Variants in TSC22D1 observed in about 807,000 individuals in gnomAD.
The protein encoded by TSC22D1 is TSC22 domain family member 1.
TSC22D1 carries 9 observed loss-of-function variants against 74.2 expected under a neutral mutation model. The observed-to-expected ratio is 0.12, with a 90% confidence interval of 0.07 to 0.21. The LOEUF is 0.21. Among genes scored for constraint, TSC22D1 ranks in the 10% least tolerant of loss-of-function variants. TSC22D1 has a pLI of 1.00. For synonymous variants in TSC22D1, 586 were observed against 492.5 expected (o/e 1.19, Z -2.51); for missense variants, 1,427 against 1,304.7 (o/e 1.09, Z -1.44).
chr13:44,452,024 T>G (rs528113748), intron 1 of TSC22D1, among the ~76,000 whole-genome samples: 5 of 152,120 alleles, frequency 3.3e-5, no homozygotes, highest in Admixed American at 6.5e-5. Context: ...CAGATATAGA[T>G]GGAAACAATC....
intron 1 of TSC22D1, among the ~76,000 whole-genome samples, chr13:44,477,217 T>A (rs1391938785): frequency 3.9e-5 from 6 of 152,176 alleles, no homozygotes; most frequent in Non-Finnish European, 7.4e-5. Context: ...CCTCCCAAAG[T>A]GCTGGGACTG....
chr13:44,568,644 G>A (rs572783143), intron 1 of TSC22D1, among the ~76,000 whole-genome samples: 1 of 152,244 alleles, frequency 6.6e-6, no homozygotes, highest in Admixed American at 6.5e-5. Flanking sequence ...GCCCCACACT[G>A]CAAATCTCTA....
In TSC22D1 at chr13:44,519,960, A is replaced by G. The variant is rs1443262361; in HGVS notation, c.2912+53203T>C. 3.3e-5 allele frequency among the ~76,000 whole-genome samples: 5 copies of G among 152,210 alleles called. No homozygotes were observed. In the East Asian group the frequency reaches 7.7e-4, roughly 23 times the overall value. ...ATACATAACTGAACACATGTGGGTG[A>G]CAGTCACTAAGATGAGATCTCCCAA... On this transcript the variant is annotated intron_variant, in intron 1 of 2. Transcript: ENST00000458659.
chr13:44,512,558 G>GTGA (rs1879783338), intron 1 of TSC22D1, among the ~76,000 whole-genome samples: 1 of 152,158 alleles, frequency 6.6e-6, no homozygotes, highest in Non-Finnish European at 1.5e-5. Context: ...CTGTGAAACA[G>GTGA]AACCACTTCC....
intron 1 of TSC22D1, among the ~76,000 whole-genome samples, chr13:44,477,789 G>A (rs1877990113): frequency 6.6e-6 from 1 of 151,726 alleles, no homozygotes; most frequent in South Asian, 2.1e-4. Flanking sequence ...CTTACAGGCG[G>A]GTGCCACCAC....
rs1388498771 is a variant in TSC22D1, at chr13:44,536,736, G to A, written c.2912+36427C>T. ...CTTGATATTTACAGTATTAACTCAA[G>A]AGAGTTTTAATGGTTTGCAAAATTG... On this transcript the variant is annotated intron_variant, in intron 1 of 2. Coordinates refer to ENST00000458659, the MANE Select transcript of TSC22D1 (RefSeq NM_183422.4). 7.1e-6 allele frequency: 7 copies of A among 984,090 alleles called. No homozygotes were observed. The South Asian group carries it at 3.3e-4, about 46-fold the overall frequency. The allele number at this position is 984,090 out of a possible 1,614,324, so 61.0% of individuals were successfully genotyped here. A position where few individuals can be genotyped will look rare whatever the true frequency, so the allele number is the denominator to read the frequency against.
chr13:44,574,091 T>C lies in TSC22D1; in HGVS notation c.1984A>G (p.Ile662Val), dbSNP rs769311865. ...PASEYVQQQPILQTAMSSGQP... is the reference protein window; with the variant it reads ...PASEYVQQQPVLQTAMSSGQP... ...CCGGAGGACATTGCTGTTTGAAGAA[T>C]TGGCTGCTGTTGTACATACTCTGAA... Residue 662 changes from isoleucine to valine, a missense_variant, in exon 1 of 3, where the codon ATT (isoleucine) becomes GTT (valine). Coordinates refer to ENST00000458659, the MANE Select transcript of TSC22D1 (RefSeq NM_183422.4). The C allele has an allele frequency of 2.4e-5, 39 of 1,614,116 alleles. No individual in the cohort carries two copies. Among genetic ancestry groups the C allele is most frequent in the Middle Eastern group, 1.6e-4 (1 of 6,084 alleles).
chr13:44,501,844 A>C (rs1879234139), intron 1 of TSC22D1, among the ~76,000 whole-genome samples: 1 of 152,200 alleles, frequency 6.6e-6, no homozygotes, highest in African/African-American at 2.4e-5. Flanking sequence ...CGTCCATTAA[A>C]ATGGCTCTTT....
intron 1 of TSC22D1, among the ~76,000 whole-genome samples, chr13:44,460,363 C>T (rs765004150): frequency 5.5e-4 from 84 of 152,130 alleles, no homozygotes; most frequent in Admixed American, 8.5e-4. Flanking sequence ...CACCTTTATA[C>T]AGCTTGATGC....
intron 1 of TSC22D1, among the ~76,000 whole-genome samples, chr13:44,458,760 TC>T (rs1876820827): frequency 6.6e-6 from 1 of 152,118 alleles, no homozygotes; most frequent in African/African-American, 2.4e-5. Flanking sequence ...CTGGGCGCTG[TC>T]CGACCAGGTG....
Position 44,575,606 on chromosome 13 carries a change from C to T in TSC22D1, c.469G>A (p.Val157Met). 1.2e-6 allele frequency: 2 copies of T among 1,614,136 alleles called. No individual in the cohort carries two copies. The highest frequency in any genetic ancestry group is 1.7e-6 in the Non-Finnish European group (2 of 1,180,028). The change falls in exon 1 of 3, where the codon GTG becomes ATG. Residue 157 changes from valine to methionine, a missense_variant. Val to Met is a conservative substitution (Grantham distance 21). Around this residue, in one of 3 missense-constraint regions of TSC22D1, gnomAD observed 1,343 missense variants for 1,191.5 expected, o/e 1.13. Coordinates refer to ENST00000458659, the MANE Select transcript of TSC22D1 (RefSeq NM_183422.4). Reference protein sequence around the residue: ...EDLSSSEILDVSLSRATDLGE... With the variant: ...EDLSSSEILDMSLSRATDLGE... The stretch of plus-strand genomic sequence containing the variant: ...AAGTCAGTAGCCCTGGAAAGTGACA[C>T]ATCAAGGATCTCCGAAGAAGAGAGA...
intron 1 of TSC22D1, among the ~76,000 whole-genome samples, chr13:44,553,255 T>C (rs941392650): frequency 1.2e-4 from 19 of 152,166 alleles, no homozygotes; most frequent in African/African-American, 3.9e-4. Context: ...TTCTTCAAAA[T>C]GTATCGGTCT....
intron 1 of TSC22D1, among the ~76,000 whole-genome samples, chr13:44,556,950 C>T (rs1173450123): frequency 1.3e-5 from 2 of 149,234 alleles, no homozygotes; most frequent in East Asian, 2.0e-4. Context: ...TCGAGACCAG[C>T]TTGACCAACA....
At chr13:44,508,695 G>A (rs1879549565) in intron 1 of TSC22D1, among the ~76,000 whole-genome samples, 1 of 151,990 alleles carries the variant, frequency 6.6e-6, no homozygotes, top group Non-Finnish European at 1.5e-5. Context: ...CTCTTACAGG[G>A]CCCTACAGCA....
intron 1 of TSC22D1, among the ~76,000 whole-genome samples, chr13:44,544,979 T>TA (rs1480050491): frequency 6.6e-6 from 1 of 152,116 alleles, no homozygotes; most frequent in African/African-American, 2.4e-5. Flanking sequence ...CACAGTTGCA[T>TA]AAACTATATT....
intron 1 of TSC22D1, among the ~76,000 whole-genome samples, chr13:44,487,703 TA>T (rs113240665): frequency 1.4e-4 from 21 of 147,432 alleles, no homozygotes; most frequent in Admixed American, 1.4e-4. Context: ...TTCAAGAGGT[TA>T]AAAAAAAAAG....
intron 1 of TSC22D1, among the ~76,000 whole-genome samples, chr13:44,463,681 C>G (rs1877118085): frequency 6.6e-6 from 1 of 152,026 alleles, no homozygotes; most frequent in Admixed American, 6.6e-5. Flanking sequence ...AAATTAATGG[C>G]CATTTGCTCT....
chr13:44,436,098 GAA>G lies in TSC22D1; in HGVS notation c.2913-5_2913-4del. The G allele has an allele frequency of 1.2e-6, 2 of 1,609,908 alleles. No individual in the cohort carries two copies. The highest frequency in any genetic ancestry group is 1.3e-5 in the African/African-American group (1 of 74,642). On this transcript the variant is annotated splice_region_variant and splice_polypyrimidine_tract_variant and intron_variant, in intron 1 of 2. Coordinates refer to ENST00000458659, the MANE Select transcript of TSC22D1 (RefSeq NM_183422.4). ...CTACCACACTTGCACCAGAGGAGCT[GAA>G]AAAGAGGAGGGAAAAAGGTCATCGA...
chr13:44,531,370 G>A (rs1880828546), intron 1 of TSC22D1, among the ~76,000 whole-genome samples: 1 of 152,110 alleles, frequency 6.6e-6, no homozygotes, highest in South Asian at 2.1e-4. Flanking sequence ...CATTATCAAT[G>A]GTGTAATAGA....
Sources: allele counts gnomAD v4.1 joint callset (sites outside exome capture counted in the v4.1 genomes callset), GRCh38; gene constraint gnomAD v4.1.1; regional missense constraint gnomAD v4.1.1; transcripts MANE v1.5; gene names NCBI Gene and HGNC (gene_info 2026-07-23, HGNC 2026-07-21).